MEGF11: variants seen among roughly 807,000 people sequenced by gnomAD.
MEGF11 encodes multiple epidermal growth factor-like domains protein 11.
MEGF11 carries 126 observed loss-of-function variants against 146.6 expected under a neutral mutation model. The ratio of observed to expected loss-of-function variants is 0.86; its 90% CI spans 0.74 to 1.00. The LOEUF is 1.00. MEGF11 is among the 50% of genes least tolerant of loss of function. MEGF11 has a pLI of 0.00. For missense variants in MEGF11, 1,509 were observed against 1,521.2 expected, an observed-to-expected ratio of 0.99 and a Z score of 0.13; for synonymous variants, 532 against 583.4, an observed-to-expected ratio of 0.91 and a Z score of 1.27.
intron 24 of MEGF11, among the ~76,000 whole-genome samples, chr15:65,901,035 C>T (rs1245561287): frequency 1.3e-5 from 2 of 152,216 alleles, no homozygotes; most frequent in Non-Finnish European, 1.5e-5. Context: ...AAGGATGGCA[C>T]ATCTGTGTAT....
intron 1 of MEGF11, among the ~76,000 whole-genome samples, chr15:66,163,077 G>A (rs888023961): frequency 2.0e-5 from 3 of 152,110 alleles, no homozygotes; most frequent in African/African-American, 7.2e-5. Context: ...CAAAGAGAAC[G>A]TGGAGACCCA....
chr15:66,001,166 A>G (rs1396007140), intron 5 of MEGF11, among the ~76,000 whole-genome samples: 3 of 152,140 alleles, frequency 2.0e-5, no homozygotes, highest in Admixed American at 6.5e-5. Flanking sequence ...CAGTAAGTGC[A>G]TGTTGGAGAG....
At chr15:65,925,796 G>A (rs1352869265) in intron 13 of MEGF11, among the ~76,000 whole-genome samples, 2 of 152,166 alleles carry the variant, frequency 1.3e-5, no homozygotes, top group Non-Finnish European at 1.5e-5. Context: ...TAGCCACTCA[G>A]CAGCCCATAT....
chr15:66,218,425 G>T (rs1241651381), intron 1 of MEGF11, among the ~76,000 whole-genome samples: 2 of 152,118 alleles, frequency 1.3e-5, no homozygotes. Context: ...AGCTAAGGAA[G>T]AGACCCCTGC....
intron 4 of MEGF11, among the ~76,000 whole-genome samples, chr15:66,108,165 C>T (rs963101217): frequency 6.6e-6 from 1 of 152,282 alleles, no homozygotes; most frequent in African/African-American, 2.4e-5. Flanking sequence ...AGTGAGGTAA[C>T]GGGACGTTGA....
intron 1 of MEGF11, among the ~76,000 whole-genome samples, chr15:66,190,730 C>T (rs563972573): frequency 6.6e-6 from 1 of 152,104 alleles, no homozygotes; most frequent in Non-Finnish European, 1.5e-5. Flanking sequence ...CTCCATTCAC[C>T]CCCCACAGCA....
chr15:66,152,596 G>T (rs1437221837), intron 1 of MEGF11, among the ~76,000 whole-genome samples: 1 of 152,256 alleles, frequency 6.6e-6, no homozygotes, highest in Non-Finnish European at 1.5e-5. Flanking sequence ...CCTTGGCCCA[G>T]TGGGGGATGT....
At chr15:66,184,598 A>T (rs1397264455) in intron 1 of MEGF11, among the ~76,000 whole-genome samples, 2 of 149,658 alleles carry the variant, frequency 1.3e-5, no homozygotes, top group African/African-American at 4.9e-5. Context: ...CTACCTTAAA[A>T]TCCTTCAAGA....
At chr15:66,071,600 T>G (rs62011774) in intron 5 of MEGF11, among the ~76,000 whole-genome samples, 15,880 of 152,234 alleles carry the variant, frequency 0.1, 980 homozygotes, top group Middle Eastern at 0.16. Flanking sequence ...GCATCGGGGA[T>G]CTGTCATTTC....
At chr15:66,097,636 C>T (rs1035051042) in intron 4 of MEGF11, among the ~76,000 whole-genome samples, 1 of 152,038 alleles carries the variant, frequency 6.6e-6, no homozygotes, top group Non-Finnish European at 1.5e-5. Flanking sequence ...AGCCACTCAC[C>T]CTCTCCTGGC....
chr15:65,992,751 G>A (rs1333607488), intron 5 of MEGF11, among the ~76,000 whole-genome samples: 1 of 151,980 alleles, frequency 6.6e-6, no homozygotes, highest in Non-Finnish European at 1.5e-5. Context: ...GTAAGTGTGA[G>A]AGACTTTGCA....
At chr15:66,196,701 G>A (rs2091018173) in intron 1 of MEGF11, among the ~76,000 whole-genome samples, 1 of 152,302 alleles carries the variant, frequency 6.6e-6, no homozygotes, top group African/African-American at 2.4e-5. Flanking sequence ...AGGAATTAAG[G>A]TGACTAAGAC....
chr15:66,065,308 A>T (rs2085077571), intron 5 of MEGF11, among the ~76,000 whole-genome samples: 1 of 152,176 alleles, frequency 6.6e-6, no homozygotes. Context: ...GGTGAAAAAA[A>T]AAAAAAAGAT....
At chr15:65,915,983 T>C (rs557961062) in intron 18 of MEGF11, among the ~76,000 whole-genome samples, 165 bp downstream of exon 18, 76 of 152,302 alleles carry the variant, frequency 5.0e-4, no homozygotes, top group Non-Finnish European at 9.0e-4. Context: ...CAAACAATAA[T>C]GTAGGCATGA....
chr15:66,102,160 C>T (rs1489067579), intron 4 of MEGF11, among the ~76,000 whole-genome samples: 3 of 41,536 alleles, frequency 7.2e-5, no homozygotes, highest in African/African-American at 2.1e-4. Context: ...CCCAGATCTG[C>T]TCGTGGCCGG....
Position 65,982,205 on chromosome 15 carries a change from C to T in MEGF11, c.641+37G>A, listed in dbSNP as rs1447521023. On this transcript the variant is annotated intron_variant, in intron 6 of 25. Transcript: ENST00000395614. This position sits in a 1 kb window ranked among gnomAD's most constrained non-coding sequence, Gnocchi z 5.6. ...AGGCACCCTCCAGGTCCCGCCCCTC[C>T]AGGTCCCGCCCCTCCAGGTCCTGCC... is the stretch of plus-strand genomic sequence containing the variant. The T allele has an allele frequency of 2.5e-5, 38 of 1,532,398 alleles. No individual in the cohort carries two copies. The highest frequency in any genetic ancestry group is 3.2e-5 in the Non-Finnish European group (37 of 1,142,332). 94.9% of individuals were successfully genotyped at this position (1,532,398 alleles called of 1,614,324 possible).
intron 3 of MEGF11, among the ~76,000 whole-genome samples, chr15:66,121,369 A>T (rs767741634): frequency 1.6e-4 from 25 of 152,214 alleles, no homozygotes; most frequent in Non-Finnish European, 3.4e-4. Flanking sequence ...CTCATTCCAC[A>T]GTCAAATGCT....
chr15:66,021,122 C>A (rs932021518), intron 5 of MEGF11, among the ~76,000 whole-genome samples: 2 of 151,990 alleles, frequency 1.3e-5, no homozygotes, highest in Non-Finnish European at 2.9e-5. Flanking sequence ...AAATTCCCAA[C>A]CTCTCTTGGG....
At chr15:65,909,827 C>A in intron 21 of MEGF11, 21 bp from the exon 22 acceptor site, 1 of 1,551,944 alleles carries the variant, frequency 6.4e-7, no homozygotes, top group Non-Finnish European at 8.7e-7. Context: ...AGTAGGAGAG[C>A]CAGTTAATAT....
Sources: gnomAD v4.1 joint callset for allele counts (sites outside exome capture counted in the v4.1 genomes callset) on GRCh38, gnomAD v4.1.1 for gene constraint, Gnocchi (gnomAD v3.1) non-coding constraint, MANE v1.5 for transcripts, NCBI Gene and HGNC (gene_info 2026-07-23, HGNC 2026-07-21) for gene names.